The following TTC3 variants were observed in gnomAD, a reference collection of about 807,000 sequenced individuals.
TTC3 encodes the protein tetratricopeptide repeat domain 3, also known as E3 ubiquitin-protein ligase TTC3.
A neutral mutation model predicts 249.6 loss-of-function variants in TTC3; 180 were observed. That is an observed-to-expected ratio of 0.72 (90% CI 0.64 to 0.82). TTC3 has a LOEUF of 0.82. TTC3 is among the 40% of genes least tolerant of loss of function. The pLI is 0.00. For missense variants in TTC3, 2,061 were observed against 2,398.4 expected (o/e 0.86, Z 2.94); for synonymous variants, 717 against 805.0 (o/e 0.89, Z 1.85).
intron 31 of TTC3, 97 bp from the exon 32 acceptor site, chr21:37,163,954 T>C: frequency 7.2e-7 from 1 of 1,383,560 alleles, no homozygotes; most frequent in Non-Finnish European, 9.8e-7. Flanking sequence ...TATATTGCCA[T>C]TATTGTGTTT....
chr21:37,137,137 T>C (rs186153315), intron 18 of TTC3, among the ~76,000 whole-genome samples: 22 of 152,346 alleles, frequency 1.4e-4, no homozygotes, highest in African/African-American at 4.1e-4. Flanking sequence ...GTGGTGTACA[T>C]GTACAAGGAG....
chr21:37,145,855 AC>A (rs2078937247), intron 21 of TTC3, among the ~76,000 whole-genome samples: 1 of 152,122 alleles, frequency 6.6e-6, no homozygotes. Context: ...GAACTCACTC[AC>A]CCCAGGGAGG....
At chr21:37,083,596 C>CTAG (rs1320913147) in intron 1 of TTC3, 1 of 184,790 alleles carries the variant, frequency 5.4e-6, no homozygotes, top group Admixed American at 6.5e-5. Context: ...ACTGGGGAGT[C>CTAG]TAGGTTGACT....
At chr21:37,117,854 GAAAA>G (rs796207764) in intron 11 of TTC3, among the ~76,000 whole-genome samples, 2 of 128,850 alleles carry the variant, frequency 1.6e-5, no homozygotes, top group African/African-American at 3.6e-5. Flanking sequence ...AAAAAAAAAA[GAAAA>G]AAGAAAAAAA....
exon 35 of TTC3, chr21:37,172,741 C>T: frequency 6.2e-7 from 1 of 1,613,688 alleles, no homozygotes; most frequent in Non-Finnish European, 8.5e-7. Flanking sequence ...TAGAAGAAAA[C>T]AAGGTAATCC....
chr21:37,109,686 C>T (rs377279637), intron 11 of TTC3, among the ~76,000 whole-genome samples: 19 of 152,236 alleles, frequency 1.2e-4, no homozygotes, highest in East Asian at 7.7e-4. Flanking sequence ...ACTTAAATGT[C>T]CCTGTCTGAC....
intron 27 of TTC3, among the ~76,000 whole-genome samples, chr21:37,155,918 A>G (rs936367001): frequency 3.3e-5 from 5 of 152,154 alleles, no homozygotes; most frequent in Admixed American, 3.3e-4. Flanking sequence ...CACATTTGGG[A>G]AGATTCTGCA....
At chr21:37,098,254 A>C (rs2074141378) in intron 10 of TTC3, 1 of 238,158 alleles carries the variant, frequency 4.2e-6, no homozygotes, top group Non-Finnish European at 8.0e-6. Flanking sequence ...TAGGTTGGCA[A>C]CTTGGCTAGC....
At chr21:37,129,277 A>C (rs2077282469) in intron 16 of TTC3, among the ~76,000 whole-genome samples, 1 of 152,216 alleles carries the variant, frequency 6.6e-6, no homozygotes, top group African/African-American at 2.4e-5. Context: ...GACTTCTGAA[A>C]GTCACATAAT....
At chr21:37,131,096 A>G (rs1411091047) in intron 16 of TTC3, among the ~76,000 whole-genome samples, 4 of 152,136 alleles carry the variant, frequency 2.6e-5, no homozygotes, top group African/African-American at 9.7e-5. Context: ...AGAGCTCCCA[A>G]AACCCATGGC....
chr21:37,091,815 T>G (rs2073316395), intron 7 of TTC3, among the ~76,000 whole-genome samples: 1 of 152,206 alleles, frequency 6.6e-6, no homozygotes, highest in South Asian at 2.1e-4. Flanking sequence ...TCTCCTGACC[T>G]CGTGGTCTGC....
At chr21:37,108,396 G>T in exon 11 of TTC3, 1 of 1,610,086 alleles carries the variant, frequency 6.2e-7, no homozygotes, top group Non-Finnish European at 8.5e-7. Flanking sequence ...TTTTAGAAAT[G>T]CACTCGGTGA....
rs202044030 is a variant in TTC3, at chr21:37,108,262, A to AT, written c.846-122dup. On this transcript the variant is annotated intron_variant, in intron 10 of 45. Coordinates refer to ENST00000355666, the Ensembl canonical transcript of TTC3. ...CCTATAATGGACATATATTATATGG[A>AT]TTTTTTTTAATTAAAATTATCTTTT... is the stretch of plus-strand genomic sequence containing the variant. 9.5e-5 allele frequency: 67 copies of AT among 705,006 alleles called. 1 individual carries two copies. Among genetic ancestry groups the AT allele is most frequent in the East Asian group, 3.0e-4 (10 of 33,302 alleles). The allele number at this position is 705,006 out of a possible 1,614,324, so 43.7% of individuals were successfully genotyped here. A position where few individuals can be genotyped will look rare whatever the true frequency, so the allele number is the denominator to read the frequency against.
intron 32 of TTC3, 70 bp from the exon 33 acceptor site, chr21:37,165,480 A>G: frequency 1.7e-6 from 2 of 1,198,598 alleles, no homozygotes; most frequent in East Asian, 2.3e-5. Flanking sequence ...GGAGAATAAA[A>G]GTTTTTTTCA....
intron 11 of TTC3, among the ~76,000 whole-genome samples, chr21:37,115,484 C>T (rs1348043269): frequency 1.3e-5 from 2 of 152,116 alleles, no homozygotes; most frequent in African/African-American, 4.8e-5. Flanking sequence ...TCCACAGTTA[C>T]TTGATTCTGA....
At chr21:37,104,844 A>G (rs1012465902) in intron 10 of TTC3, among the ~76,000 whole-genome samples, 5 of 152,214 alleles carry the variant, frequency 3.3e-5, no homozygotes, top group East Asian at 3.9e-4. Flanking sequence ...TTCTGATTCA[A>G]TTAACCTAGA....
intron 13 of TTC3, among the ~76,000 whole-genome samples, chr21:37,123,661 T>G (rs1225088837): frequency 1.1e-4 from 16 of 152,216 alleles, no homozygotes; most frequent in Non-Finnish European, 1.2e-4. Context: ...ATAAAGAAAT[T>G]GGCTGTGGAG....
At position 37,159,751 on chromosome 21, in the gene TTC3, T is replaced by C; in HGVS notation, c.3039+6T>C. On this transcript the variant is annotated splice_donor_region_variant and intron_variant, in intron 29 of 45. Coordinates refer to ENST00000355666, the Ensembl canonical transcript of TTC3. ...AAGATAGTGGTGAAGCACCGGTAAG[T>C]TACTTGGATCACTTGAATCTTACGT... 2 of 1,532,646 alleles carry C rather than the reference T, an allele frequency of 1.3e-6. No individual in the cohort carries two copies. Among genetic ancestry groups the C allele is most frequent in the Non-Finnish European group, 1.7e-6 (2 of 1,148,662 alleles). 94.9% of individuals were successfully genotyped at this position (1,532,646 alleles called of 1,614,324 possible).
At chr21:37,088,587 A>G (rs1207848433) in intron 4 of TTC3, among the ~76,000 whole-genome samples, 3 of 152,240 alleles carry the variant, frequency 2.0e-5, no homozygotes, top group Non-Finnish European at 4.4e-5. Flanking sequence ...AGGAATTAAC[A>G]TGGGTGTTTA....
Sources: allele counts gnomAD v4.1 joint callset (sites outside exome capture counted in the v4.1 genomes callset), GRCh38; gene constraint gnomAD v4.1.1; transcripts MANE v1.5; gene names NCBI Gene and HGNC (gene_info 2026-07-23, HGNC 2026-07-21).